Variants in DCC observed in about 807,000 individuals in gnomAD.
The protein encoded by DCC is DCC netrin 1 receptor.
In DCC, 58 loss-of-function variants were observed where a neutral mutation model predicts 172.5. The ratio of observed to expected loss-of-function variants is 0.34; its 90% CI spans 0.27 to 0.42. The LOEUF (loss-of-function observed/expected upper bound fraction) is 0.42, where lower values mean the gene tolerates loss of function less well. DCC is among the 10% of genes least tolerant of loss of function. The pLI is 1.00. For synonymous variants in DCC, 709 were observed against 644.5 expected (o/e 1.10, Z -1.52); for missense variants, 1,740 against 1,791.0 (o/e 0.97, Z 0.51).
At chr18:52,623,411 G>A (rs1398440575) in intron 1 of DCC, among the ~76,000 whole-genome samples, 1 of 152,196 alleles carries the variant, frequency 6.6e-6, no homozygotes, top group African/African-American at 2.4e-5. Flanking sequence ...TGTGCAGCTG[G>A]AAGAGGCAGG....
chr18:52,950,345 C>T (rs1484087638), intron 5 of DCC, among the ~76,000 whole-genome samples: 1 of 152,196 alleles, frequency 6.6e-6, no homozygotes, highest in Non-Finnish European at 1.5e-5. Context: ...GTGTGTCATG[C>T]AGCCAGGCTG....
chr18:52,469,089 G>A lies in DCC; in HGVS notation c.91+128211G>A, dbSNP rs573711554. 5.1e-4 allele frequency among the ~76,000 whole-genome samples: 78 copies of A among 151,712 alleles called. 1 individual carries two copies. The South Asian group carries it at 0.016, about 31-fold the overall frequency. Reference sequence around the variant, plus strand: ...TTTATTTATTTAGAGACAGAGTCTTGCGCTGTCATCCAGGCTGGAGTGCAG... The same window carrying A: ...TTTATTTATTTAGAGACAGAGTCTTACGCTGTCATCCAGGCTGGAGTGCAG... On this transcript the variant is annotated intron_variant, in intron 1 of 28. Coordinates refer to ENST00000442544, the MANE Select transcript of DCC (RefSeq NM_005215.4).
chr18:52,931,904 C>T (rs931202553), intron 5 of DCC: 5 of 151,916 alleles, frequency 3.3e-5, no homozygotes, highest in South Asian at 4.2e-4. Context: ...AATTACAATT[C>T]GTAAAATCAG....
chr18:53,245,525 G>A (rs1381553645), intron 12 of DCC, among the ~76,000 whole-genome samples: 2 of 152,042 alleles, frequency 1.3e-5, no homozygotes, highest in Admixed American at 1.3e-4. Flanking sequence ...TGTAAGCACT[G>A]GTGAAATAAA....
intron 5 of DCC, among the ~76,000 whole-genome samples, chr18:52,955,920 T>C (rs1243709525): frequency 1.3e-5 from 2 of 152,084 alleles, no homozygotes; most frequent in Non-Finnish European, 2.9e-5. Flanking sequence ...TTGCTTGTTA[T>C]TGTTGAGTTT....
In DCC at chr18:52,513,532, T is replaced by G. The variant is rs193045803; in HGVS notation, c.91+172654T>G. On this transcript the variant is annotated intron_variant, in intron 1 of 28. Transcript: ENST00000442544. The stretch of plus-strand genomic sequence containing the variant: ...GTTCTTCAAACAAACCTATAAGTAT[T>G]TGTTTTCCTTCTAGAAAGCAGGTCA... Among the ~76,000 whole-genome samples, 334 of 152,334 alleles carry G rather than the reference T, an allele frequency of 2.2e-3. 2 individuals are homozygous for G. Among genetic ancestry groups the G allele is most frequent in the African/African-American group, 7.6e-3 (317 of 41,582 alleles).
chr18:52,474,244 A>AGAGAGAGAG (rs1568186675), intron 1 of DCC, among the ~76,000 whole-genome samples: 17 of 32,138 alleles, frequency 5.3e-4, no homozygotes, highest in African/African-American at 1.3e-3. Flanking sequence ...GAGAGAGAGA[A>AGAGAGAGAG]AGAGAGAGAA....
At chr18:53,248,417 A>G (rs1327249960) in intron 12 of DCC, among the ~76,000 whole-genome samples, 2 of 151,982 alleles carry the variant, frequency 1.3e-5, no homozygotes, top group East Asian at 3.9e-4. Context: ...CCCCATTTTT[A>G]GAGGGTAGCA....
At chr18:52,405,650 C>A (rs1454520209) in intron 1 of DCC, among the ~76,000 whole-genome samples, 1 of 150,840 alleles carries the variant, frequency 6.6e-6, no homozygotes, top group African/African-American at 2.4e-5. Context: ...AACTACAAAC[C>A]ACTGCTCAAG....
intron 7 of DCC, among the ~76,000 whole-genome samples, chr18:53,103,472 G>A (rs1424611991): frequency 6.6e-6 from 1 of 151,988 alleles, no homozygotes; most frequent in Admixed American, 6.6e-5. Flanking sequence ...TTGAGCCTGG[G>A]CTCAAGTGAT....
At chr18:53,053,874 C>T (rs557128040) in intron 5 of DCC, among the ~76,000 whole-genome samples, 1 of 152,038 alleles carries the variant, frequency 6.6e-6, no homozygotes, top group Non-Finnish European at 1.5e-5. Context: ...GAAAATTCGA[C>T]AAAGAAAGAC....
intron 12 of DCC, among the ~76,000 whole-genome samples, chr18:53,250,165 A>G (rs2056412667): frequency 6.6e-6 from 1 of 151,934 alleles, no homozygotes; most frequent in South Asian, 2.1e-4. Context: ...CTCAAGAAGT[A>G]GCTTTAAGAC....
At chr18:53,179,142 A>T (rs367870389) in intron 9 of DCC, 26 bp downstream of exon 9, 2 of 1,607,948 alleles carry the variant, frequency 1.2e-6, no homozygotes, top group East Asian at 2.2e-5. Context: ...AACGGGCCAC[A>T]TTTAAAAAGT....
chr18:52,975,608 G>A (rs2145594361), intron 5 of DCC, among the ~76,000 whole-genome samples: 1 of 152,226 alleles, frequency 6.6e-6, no homozygotes, highest in South Asian at 2.1e-4. Context: ...ACAACATGTG[G>A]TATTTGGTTT....
At chr18:52,598,088 C>T (rs2094735424) in intron 1 of DCC, among the ~76,000 whole-genome samples, 1 of 152,122 alleles carries the variant, frequency 6.6e-6, no homozygotes, top group Non-Finnish European at 1.5e-5. Context: ...CAAATTCTAG[C>T]TTGCTTATTT....
Position 53,530,641 on chromosome 18 carries a change from C to T in DCC, c.4332C>T (p.Gly1444=). ...GLMKQLNAIT[G]SAF ...TGAAGCAGCTTAATGCCATCACAGG[C>T]TCAGCCTTTTAACATGTATTTCTGA... The change falls in exon 29 of 29, where the codon GGC becomes GGT. Residue 1444 remains glycine (G), a synonymous_variant. Transcript: ENST00000442544. The T allele has an allele frequency of 1.9e-6, 3 of 1,586,920 alleles. No homozygotes were observed. The highest frequency in any genetic ancestry group is 2.6e-6 in the Non-Finnish European group (3 of 1,155,194).
chr18:53,114,479 T>G (rs563813982), intron 7 of DCC, among the ~76,000 whole-genome samples: 3 of 151,566 alleles, frequency 2.0e-5, no homozygotes, highest in Admixed American at 1.3e-4. Flanking sequence ...GTGTTTTTCT[T>G]TCATGTTAGC....
chr18:53,220,066 G>C (rs1036315114), intron 12 of DCC, among the ~76,000 whole-genome samples: 5 of 152,128 alleles, frequency 3.3e-5, no homozygotes, highest in African/African-American at 1.2e-4. Flanking sequence ...AGCCAAGTGG[G>C]TGGCTGAGTG....
At chr18:53,063,867 T>C (rs760003626) in intron 6 of DCC, among the ~76,000 whole-genome samples, 13 of 152,154 alleles carry the variant, frequency 8.5e-5, no homozygotes, top group African/African-American at 2.2e-4. Flanking sequence ...ATGATACTTA[T>C]GATTATGGAA....
Sources: allele counts gnomAD v4.1 joint callset (sites outside exome capture counted in the v4.1 genomes callset), GRCh38; gene constraint gnomAD v4.1.1; transcripts MANE v1.5; gene names NCBI Gene and HGNC (gene_info 2026-07-23, HGNC 2026-07-21).